Variants in KIAA1549 observed in about 807,000 individuals in gnomAD.
The protein encoded by KIAA1549 is KIAA1549, also known as UPF0606 protein KIAA1549.
In KIAA1549, 70 loss-of-function variants were observed where a neutral mutation model predicts 156.4. That is an observed-to-expected ratio of 0.45 (90% confidence interval 0.37 to 0.55). The LOEUF (loss-of-function observed/expected upper bound fraction) is 0.55, where lower values mean the gene tolerates loss of function less well. Among genes scored for constraint, KIAA1549 ranks in the 20% least tolerant of loss-of-function variants. The pLI is 0.00. For missense variants in KIAA1549, 2,428 were observed against 2,540.9 expected, an observed-to-expected ratio of 0.96 and a Z score of 0.96; for synonymous variants, 1,103 against 1,066.4, an observed-to-expected ratio of 1.03 and a Z score of -0.67.
At chr7:138,963,069 C>A (rs1237048996) in intron 1 of KIAA1549, among the ~76,000 whole-genome samples, 1 of 152,238 alleles carries the variant, frequency 6.6e-6, no homozygotes, top group African/African-American at 2.4e-5. Flanking sequence ...CTCTTAGTAT[C>A]CCAACATCCA....
intron 1 of KIAA1549, among the ~76,000 whole-genome samples, chr7:138,922,625 A>C (rs1812596029): frequency 6.6e-6 from 1 of 152,030 alleles, no homozygotes; most frequent in African/African-American, 2.4e-5. Context: ...AAATTTTATA[A>C]TTAATAAATT....
chr7:138,895,523 T>C (rs761125070), intron 9 of KIAA1549, among the ~76,000 whole-genome samples: 7 of 151,870 alleles, frequency 4.6e-5, no homozygotes, highest in Non-Finnish European at 8.8e-5. Context: ...AACAAGCCAG[T>C]CACAAAAGGA....
intron 1 of KIAA1549, among the ~76,000 whole-genome samples, chr7:138,974,447 T>C (rs1814312707): frequency 6.6e-6 from 1 of 152,068 alleles, no homozygotes; most frequent in Non-Finnish European, 1.5e-5. Flanking sequence ...TGGTTTTGTT[T>C]TTTGAGACAG....
In KIAA1549 at chr7:138,911,007, G is replaced by A. The variant is rs1584749172; in HGVS notation, c.3145+139C>T. 17 of 711,766 alleles carry A rather than the reference G, an allele frequency of 2.4e-5. No individual in the cohort carries two copies. In the East Asian group the frequency reaches 4.8e-4, roughly 20 times the overall value. The allele number at this position is 711,766 out of a possible 1,614,324, so 44.1% of individuals were successfully genotyped here. On this transcript the variant is annotated intron_variant, in intron 4 of 19. Coordinates refer to ENST00000422774, the MANE Select transcript of KIAA1549 (RefSeq NM_001164665.2). ...TAATCACACCACTGCATTCCAGCCT[G>A]GGCAACAGACTGAGATCCTGTCTCT...
At chr7:138,881,616 T>G in intron 10 of KIAA1549, 32 bp from the exon 11 acceptor site, 1 of 1,582,846 alleles carries the variant, frequency 6.3e-7, no homozygotes, top group Non-Finnish European at 8.6e-7. Context: ...ACAAGATTGT[T>G]AACCCGGAAT....
rs79272143 is a variant in KIAA1549 at position 138,949,860 on chromosome 7, C to T, written c.188-30422G>A. 7.5e-3 allele frequency among the ~76,000 whole-genome samples: 1,136 copies of T among 152,296 alleles called. 15 individuals carry two copies. Among genetic ancestry groups the T allele is most frequent in the African/African-American group, 0.026 (1,093 of 41,558 alleles). On this transcript the variant is annotated intron_variant, in intron 1 of 19. Transcript: ENST00000422774. ...CATCTGAGCCAACCCCAGCAGGGGC[C>T]GGGGCAATTCACGCAATATCACGAG...
intron 1 of KIAA1549, among the ~76,000 whole-genome samples, chr7:138,962,597 A>C (rs480690): frequency 0.51 from 77,498 of 151,922 alleles, 23,122 homozygotes; most frequent in African/African-American, 0.84. Context: ...AGAGGGAGGG[A>C]ATGTGGTGGG....
Position 138,838,139 on chromosome 7 carries a change from C to G in KIAA1549, c.5620G>C (p.Glu1874Gln), listed in dbSNP as rs1809800277. Residue 1874 changes from glutamate to glutamine, a missense_variant, in exon 20 of 20, where the codon GAG becomes CAG. By Grantham distance (29) the Glu-to-Gln change is conservative. Around this residue, in one of 5 missense-constraint regions of KIAA1549, gnomAD observed 363 missense variants for 354.0 expected, o/e 1.03. Transcript: ENST00000422774. ...REATHMLGHQ[E>Q]YSSSPLFQVP... ...TGAAATAGCGGTGAAGAAGAATACT[C>G]TTGATGTCCGAGCATGTGTGTCTGA... 6.7e-7 allele frequency: 1 copy of G among 1,497,060 alleles called. No individual in the cohort carries two copies. Among genetic ancestry groups the G allele is most frequent in the Admixed American group, 2.4e-5 (1 of 41,360 alleles). 92.7% of individuals were successfully genotyped at this position (1,497,060 alleles called of 1,614,324 possible).
chr7:138,879,621 C>A lies in KIAA1549; in HGVS notation c.4262G>T (p.Ser1421Ile). The A allele has an allele frequency of 6.4e-7, 1 of 1,559,220 alleles. No individual in the cohort carries two copies. The highest frequency in any genetic ancestry group is 8.7e-7 in the Non-Finnish European group (1 of 1,151,648). Reference sequence around the variant, plus strand: ...TGCGTCCCTCTCGCTGGACTCTTCACTGACCGTAGAGTCAGCATCTGAGGG... The same window carrying A: ...TGCGTCCCTCTCGCTGGACTCTTCAATGACCGTAGAGTCAGCATCTGAGGG... Reference protein sequence around the residue: ...VSPSDADSTVSEESSERDAGD... With the variant: ...VSPSDADSTVIEESSERDAGD... The change falls in exon 12 of 20, where the codon AGT becomes ATT. Residue 1421 changes from serine (S) to isoleucine (I), a missense_variant. Ser to Ile is a moderately radical substitution (Grantham distance 142). Coordinates refer to ENST00000422774, the MANE Select transcript of KIAA1549 (RefSeq NM_001164665.2).
chr7:138,886,017 GC>G (rs200690474), intron 10 of KIAA1549, among the ~76,000 whole-genome samples: 6 of 146,152 alleles, frequency 4.1e-5, no homozygotes, highest in East Asian at 1.9e-4. Flanking sequence ...TGTGAGGAAA[GC>G]CCCCCCCCAA....
At chr7:138,852,307 A>C (rs73458292) in intron 16 of KIAA1549, 38 bp from the exon 17 acceptor site, 23,134 of 1,381,740 alleles carry the variant, frequency 0.017, 758 homozygotes, top group African/African-American at 0.13. Flanking sequence ...ATTAATATTC[A>C]ATACTTATTA....
At chr7:138,933,942 G>A (rs1281565646) in intron 1 of KIAA1549, among the ~76,000 whole-genome samples, 1 of 152,078 alleles carries the variant, frequency 6.6e-6, no homozygotes, top group Non-Finnish European at 1.5e-5. Flanking sequence ...CTCTAGCCTG[G>A]GTGACAGAGT....
chr7:138,921,720 C>T (rs997322495), intron 1 of KIAA1549, among the ~76,000 whole-genome samples: 2 of 152,060 alleles, frequency 1.3e-5, no homozygotes, highest in African/African-American at 2.4e-5. Flanking sequence ...CAAAAATTAG[C>T]CGGGTATGGT....
intron 1 of KIAA1549, among the ~76,000 whole-genome samples, chr7:138,972,247 A>AAAGCCT (rs1814241364): frequency 2.6e-5 from 4 of 152,042 alleles, no homozygotes; most frequent in Admixed American, 2.6e-4. Flanking sequence ...GCCTTCCTCC[A>AAAGCCT]TGTTCCACTT....
chr7:138,919,510 T>G (rs757046893), intron 1 of KIAA1549, 72 bp from the exon 2 acceptor site: 1 of 1,536,416 alleles, frequency 6.5e-7, no homozygotes. Flanking sequence ...GTTTCAGGCA[T>G]GAGAATTTAC....
At chr7:138,970,928 C>T (rs561876222) in intron 1 of KIAA1549, among the ~76,000 whole-genome samples, 1 of 51,704 alleles carries the variant, frequency 1.9e-5, no homozygotes, top group South Asian at 9.8e-4. Flanking sequence ...TGAAGGGTTC[C>T]TTCCTCAGGC....
intron 14 of KIAA1549, among the ~76,000 whole-genome samples, chr7:138,869,267 T>C (rs1013732044): frequency 6.6e-6 from 1 of 152,142 alleles, no homozygotes; most frequent in Non-Finnish European, 1.5e-5. Context: ...CCCCAGGAAA[T>C]GCCCCGAGGC....
chr7:138,909,199 C>T, intron 4 of KIAA1549, 78 bp from the exon 5 acceptor site: 1 of 1,439,906 alleles, frequency 6.9e-7, no homozygotes, highest in East Asian at 2.4e-5. Flanking sequence ...GAGAGAGAAA[C>T]ATCGTATCTA....
At chr7:138,929,758 T>G (rs929734309) in intron 1 of KIAA1549, among the ~76,000 whole-genome samples, 15 of 152,220 alleles carry the variant, frequency 9.9e-5, no homozygotes, top group Admixed American at 7.2e-4. Flanking sequence ...GGTACAATTA[T>G]AGCTCACAGC....
Sources: gnomAD v4.1 joint callset for allele counts (sites outside exome capture counted in the v4.1 genomes callset) on GRCh38, gnomAD v4.1.1 for gene constraint, gnomAD v4.1.1 regional missense constraint, MANE v1.5 for transcripts, NCBI Gene and HGNC (gene_info 2026-07-23, HGNC 2026-07-21) for gene names.